The following EXT2 variants were observed in gnomAD, a reference collection of about 807,000 sequenced individuals.
EXT2 encodes the protein exostosin glycosyltransferase 2.
Under a neutral mutation model 81.6 loss-of-function variants are expected in EXT2, and 53 were observed. That is an observed-to-expected ratio of 0.65 (90% CI 0.52 to 0.82). The LOEUF is 0.82. Ranked by LOEUF, EXT2 falls within the 40% of genes least tolerant of loss-of-function variation. The pLI, the probability that EXT2 is intolerant of heterozygous loss-of-function variation, is 0.00. For missense variants in EXT2, 774 were observed against 910.2 expected (o/e 0.85, Z 1.93); for synonymous variants, 320 against 340.0 (o/e 0.94, Z 0.65).
intron 8 of EXT2, among the ~76,000 whole-genome samples, chr11:44,189,845 C>G (rs1365556487): frequency 6.6e-6 from 1 of 152,192 alleles, no homozygotes; most frequent in East Asian, 1.9e-4. Flanking sequence ...CTAAGAGATG[C>G]TACTTGAAGA....
chr11:44,102,791 A>G (rs1051659907), intron 1 of EXT2, among the ~76,000 whole-genome samples: 1 of 152,088 alleles, frequency 6.6e-6, no homozygotes, highest in African/African-American at 2.4e-5. Flanking sequence ...TTCCATGACC[A>G]TTAAGGAGAC....
intron 10 of EXT2, among the ~76,000 whole-genome samples, chr11:44,210,918 A>C (rs1273642526): frequency 3.9e-5 from 6 of 152,230 alleles, no homozygotes; most frequent in African/African-American, 1.2e-4. Context: ...CAATACAGTC[A>C]AAATCCCAGA....
chr11:44,240,541 C>T (rs2135276672), intron 13 of EXT2, among the ~76,000 whole-genome samples: 1 of 152,256 alleles, frequency 6.6e-6, no homozygotes, highest in South Asian at 2.1e-4. Context: ...TGCACTCCTG[C>T]CTGGGCAACA....
intron 8 of EXT2, among the ~76,000 whole-genome samples, chr11:44,190,838 T>C (rs1955382489): frequency 6.6e-6 from 1 of 152,194 alleles, no homozygotes; most frequent in South Asian, 2.1e-4. Flanking sequence ...AGAATGGTTT[T>C]GGTTAGGCTC....
chr11:44,099,734 C>T (rs1392217664), intron 1 of EXT2, among the ~76,000 whole-genome samples: 1 of 152,136 alleles, frequency 6.6e-6, no homozygotes, highest in Non-Finnish European at 1.5e-5. Flanking sequence ...AAATACTTAA[C>T]CAATTCATAA....
chr11:44,142,660 C>T (rs554049157), intron 7 of EXT2, among the ~76,000 whole-genome samples: 56 of 152,106 alleles, frequency 3.7e-4, no homozygotes, highest in Non-Finnish European at 7.2e-4. Context: ...TTTAGGAAGA[C>T]CTTTGAGTTT....
intron 7 of EXT2, among the ~76,000 whole-genome samples, chr11:44,141,063 A>G (rs1954638888): frequency 6.6e-6 from 1 of 152,168 alleles, no homozygotes. Context: ...ATCCCTCAGT[A>G]TCTGTGGGGG....
intron 13 of EXT2, among the ~76,000 whole-genome samples, 154 bp from the exon 14 acceptor site, chr11:44,243,995 G>C (rs1956068414): frequency 6.6e-6 from 1 of 152,198 alleles, no homozygotes; most frequent in African/African-American, 2.4e-5. Context: ...CCTGGGAGCA[G>C]ACTGTGGCTA....
chr11:44,236,171 G>T, intron 12 of EXT2, 122 bp from the exon 13 acceptor site: 2 of 814,910 alleles, frequency 2.5e-6, no homozygotes, highest in South Asian at 2.8e-5. Context: ...GTGTGTGTGT[G>T]TGTGTGCACG....
At chr11:44,117,919 G>A (rs1418954538) in intron 4 of EXT2, among the ~76,000 whole-genome samples, 3 of 152,110 alleles carry the variant, frequency 2.0e-5, no homozygotes, top group Non-Finnish European at 1.5e-5. Context: ...ATGCCACCAC[G>A]CTTGGCTAAT....
chr11:44,107,998 T>C lies in EXT2; in HGVS notation c.286T>C (p.Cys96Arg). The change falls in exon 2 of 14, where the codon TGT becomes CGT. Residue 96 changes from cysteine to arginine, a missense_variant. By Grantham distance (180) the Cys-to-Arg change is radical (BLOSUM62 -3). Transcript: ENST00000533608. Reference protein sequence around the residue: ...RMHTCFDVYRCGFNPKNKIKV... With the variant: ...RMHTCFDVYRRGFNPKNKIKV... ...GCACACGTGTTTTGATGTCTATCGC[T>C]GTGGCTTCAACCCAAAGAACAAAAT... 6.2e-7 allele frequency: 1 copy of C among 1,614,208 alleles called. No homozygotes were observed. Among genetic ancestry groups the C allele is most frequent in the Non-Finnish European group, 8.5e-7 (1 of 1,180,028 alleles).
chr11:44,137,373 T>C (rs1341710998), intron 7 of EXT2, among the ~76,000 whole-genome samples: 1 of 152,174 alleles, frequency 6.6e-6, no homozygotes, highest in Non-Finnish European at 1.5e-5. Flanking sequence ...AAAGTTACTT[T>C]CCCTGGCAGC....
At chr11:44,239,443 A>G (rs951689313) in intron 13 of EXT2, among the ~76,000 whole-genome samples, 3 of 134,752 alleles carry the variant, frequency 2.2e-5, no homozygotes, top group Non-Finnish European at 4.6e-5. Context: ...GCCAGGCTGG[A>G]GTTCAGTGGT....
chr11:44,119,567 C>T (rs1484719582), intron 4 of EXT2, among the ~76,000 whole-genome samples: 1 of 152,170 alleles, frequency 6.6e-6, no homozygotes, highest in East Asian at 1.9e-4. Flanking sequence ...ACGTGCCAAA[C>T]TTCCAGACTC....
At chr11:44,130,016 T>C in intron 6 of EXT2, 29 bp from the exon 7 acceptor site, 1 of 1,539,958 alleles carries the variant, frequency 6.5e-7, no homozygotes. Context: ...GGGCTGTGTG[T>C]ATGTAAACTG....
intron 1 of EXT2, chr11:44,096,436 G>A (rs1953898520): frequency 9.3e-7 from 1 of 1,071,856 alleles, no homozygotes; most frequent in African/African-American, 1.6e-5. Context: ...GCCGGGGACT[G>A]GGTGGCCGGG....
chr11:44,120,893 A>C (rs943790476), intron 4 of EXT2, among the ~76,000 whole-genome samples: 1 of 152,214 alleles, frequency 6.6e-6, no homozygotes, highest in Non-Finnish European at 1.5e-5. Context: ...GTTTTGCTTA[A>C]ACTTAGATAT....
In EXT2 at chr11:44,249,123, A is replaced by G. The variant is rs1490882752; in HGVS notation, c.*4836A>G. ...GCAGTCTTCCCATCTCAGCCTTCCAAGTAGCTGAGACTAAAAGCGTGCACC... is the reference window on the plus strand; with the variant it reads ...GCAGTCTTCCCATCTCAGCCTTCCAGGTAGCTGAGACTAAAAGCGTGCACC... On this transcript the variant is annotated 3_prime_UTR_variant, in exon 14 of 14. Transcript: ENST00000533608. Among the ~76,000 whole-genome samples the G allele has an allele frequency of 6.6e-6, 1 of 152,014 alleles. No homozygotes were observed. Among genetic ancestry groups the G allele is most frequent in the African/African-American group, 2.4e-5 (1 of 41,374 alleles).
chr11:44,176,566 G>A (rs1481717806), intron 8 of EXT2, among the ~76,000 whole-genome samples: 1 of 152,164 alleles, frequency 6.6e-6, no homozygotes, highest in Non-Finnish European at 1.5e-5. Flanking sequence ...AAAGCAGTGG[G>A]TTATACATTT....
Sources: gnomAD v4.1 joint callset for allele counts (sites outside exome capture counted in the v4.1 genomes callset) on GRCh38, gnomAD v4.1.1 for gene constraint, MANE v1.5 for transcripts, NCBI Gene and HGNC (gene_info 2026-07-23, HGNC 2026-07-21) for gene names.